The following ZNF536 variants were observed in gnomAD, a reference collection of about 807,000 sequenced individuals.
ZNF536 encodes the protein zinc finger protein 536.
Under a neutral mutation model 84.5 loss-of-function variants are expected in ZNF536, and 13 were observed. The ratio of observed to expected loss-of-function variants is 0.15; its 90% CI spans 0.10 to 0.24. The LOEUF is 0.24. Among genes scored for constraint, ZNF536 ranks in the 10% least tolerant of loss-of-function variants. The probability of loss-of-function intolerance (pLI) is 1.00; values close to 1 mark genes in which losing one functional copy is unlikely to be tolerated. For synonymous variants in ZNF536, 811 were observed against 742.5 expected (o/e 1.09, Z -1.50); for missense variants, 1,536 against 1,747.5 (o/e 0.88, Z 2.16).
chr19:30,571,919 A>G (rs190929646), intron 1 of ZNF536, among the ~76,000 whole-genome samples: 288 of 152,260 alleles, frequency 1.9e-3, no homozygotes, highest in Admixed American at 4.8e-3. Context: ...TTGGTTGTAG[A>G]AGCAGAGACA....
Position 30,501,842 on chromosome 19 carries a change from C to T in ZNF536, c.2171-33005C>T, listed in dbSNP as rs566472832. Among the ~76,000 whole-genome samples the T allele has an allele frequency of 9.1e-4, 139 of 152,244 alleles. 1 individual carries two copies. In the South Asian group the frequency reaches 0.017, roughly 19 times the overall value. On this transcript the variant is annotated intron_variant, in intron 2 of 4. Transcript: ENST00000355537. ...TTGAATTTTTGCAATCAGACCTTGG[C>T]GATGACCTTGAGCAGTAGGATACAA...
chr19:30,406,121 G>T (rs1468494892), intron 1 of ZNF536, among the ~76,000 whole-genome samples: 1 of 152,222 alleles, frequency 6.6e-6, no homozygotes, highest in East Asian at 1.9e-4. Context: ...AAAGTCAGGA[G>T]TTCCTGAGTA....
intron 1 of ZNF536, among the ~76,000 whole-genome samples, chr19:30,404,858 G>A (rs1433791167): frequency 6.6e-6 from 1 of 152,180 alleles, no homozygotes; most frequent in African/African-American, 2.4e-5. Flanking sequence ...CCTGCCCCAG[G>A]CACCAGTTGC....
chr19:30,230,571 G>A (rs2022959759), intron 1 of ZNF536, among the ~76,000 whole-genome samples: 1 of 152,144 alleles, frequency 6.6e-6, no homozygotes, highest in African/African-American at 2.4e-5. Context: ...CCAAGTCAGA[G>A]GCCAATAACC....
intron 2 of ZNF536, among the ~76,000 whole-genome samples, chr19:30,291,141 A>C (rs11084517): frequency 0.23 from 35,452 of 152,110 alleles, 5,049 homozygotes; most frequent in East Asian, 0.54. Flanking sequence ...AGTGCTGCAA[A>C]AAATATATGT....
intron 2 of ZNF536, among the ~76,000 whole-genome samples, chr19:30,453,364 G>A (rs1036519228): frequency 1.3e-5 from 2 of 152,176 alleles, no homozygotes; most frequent in Non-Finnish European, 2.9e-5. Context: ...GTTCATCCTC[G>A]AGCCAGGTCT....
intron 1 of ZNF536, among the ~76,000 whole-genome samples, chr19:30,626,409 A>G (rs2048681399): frequency 6.6e-6 from 1 of 151,820 alleles, no homozygotes; most frequent in Admixed American, 6.6e-5. Flanking sequence ...ATCATTTTAC[A>G]TAATTTAATA....
intron 1 of ZNF536, among the ~76,000 whole-genome samples, chr19:30,598,978 T>TCCCTCCCG (rs2047568944): frequency 1.7e-5 from 1 of 58,552 alleles, no homozygotes; most frequent in East Asian, 5.8e-4. Context: ...CCTCCTTCCC[T>TCCCTCCCG]CCCTCCCTTC....
rs570558058 is a variant in ZNF536, at chr19:30,425,743, G to A, written c.-2-17818G>A. 3.9e-5 allele frequency among the ~76,000 whole-genome samples: 6 copies of A among 152,320 alleles called. No homozygotes were observed. In the South Asian group the frequency reaches 1.2e-3, roughly 32 times the overall value. On this transcript the variant is annotated intron_variant, in intron 1 of 4. Coordinates refer to ENST00000355537, the MANE Select transcript of ZNF536 (RefSeq NM_014717.3). ...CCTTGAACCAATTACTGAGGCTGGG[G>A]CATGGAACATTCTGAATGGCTCAAA... is the stretch of plus-strand genomic sequence containing the variant.
At chr19:30,531,546 A>G (rs1311973135) in intron 2 of ZNF536, among the ~76,000 whole-genome samples, 3 of 151,990 alleles carry the variant, frequency 2.0e-5, no homozygotes, top group African/African-American at 7.3e-5. Flanking sequence ...TTGCTGTCTA[A>G]GTAGTGAGCA....
At chr19:30,537,701 A>G (rs929112358) in intron 3 of ZNF536, among the ~76,000 whole-genome samples, 1 of 152,226 alleles carries the variant, frequency 6.6e-6, no homozygotes, top group African/African-American at 2.4e-5. Context: ...CGCAGTTTTC[A>G]AGCTTGAGAA....
intron 1 of ZNF536, among the ~76,000 whole-genome samples, chr19:30,602,895 A>C (rs544514668): frequency 4.5e-4 from 69 of 152,314 alleles, no homozygotes; most frequent in South Asian, 1.5e-3. Context: ...CTTAAAAATA[A>C]TACTACTAAA....
chr19:30,445,043 T>A lies in ZNF536; in HGVS notation c.1481T>A (p.Leu494His), dbSNP rs746003949. Residue 494 changes from leucine to histidine, a missense_variant, in exon 2 of 5, where the codon CTC (leucine) becomes CAC (histidine). Leu to His is a moderately conservative substitution (Grantham distance 99). Around this residue, in one of 8 missense-constraint regions of ZNF536, gnomAD observed 366 missense variants for 364.4 expected, o/e 1.00. Transcript: ENST00000355537. The surrounding 1 kb of genome is among the most constrained non-coding windows in gnomAD (Gnocchi z 4.5). ...DKHSLLGCLN[L>H]VPPLKSSCIE... is the part of the protein sequence containing the mutation. ...CACTCCCTCCTGGGATGCCTCAATCTCGTGCCGCCGCTGAAATCCAGCTGC... is the reference window on the plus strand; with the variant it reads ...CACTCCCTCCTGGGATGCCTCAATCACGTGCCGCCGCTGAAATCCAGCTGC... The A allele has an allele frequency of 6.2e-7, 1 of 1,613,292 alleles. No individual in the cohort carries two copies.
chr19:30,246,251 A>C (rs879691171), intron 1 of ZNF536, among the ~76,000 whole-genome samples: 1 of 152,134 alleles, frequency 6.6e-6, no homozygotes, highest in African/African-American at 2.4e-5. Context: ...GCAACTGAAG[A>C]ATCTGTTTTC....
intron 1 of ZNF536, among the ~76,000 whole-genome samples, chr19:30,643,963 G>A (rs1373458329): frequency 2.6e-5 from 4 of 152,164 alleles, no homozygotes; most frequent in Admixed American, 2.0e-4. Context: ...AAATTGAAAG[G>A]CAAACATTTT....
chr19:30,399,850 G>A (rs968177508), intron 1 of ZNF536, among the ~76,000 whole-genome samples: 1 of 151,886 alleles, frequency 6.6e-6, no homozygotes, highest in East Asian at 1.9e-4. Context: ...ACCATGCCCA[G>A]CTCAATTTTG....
rs577433866 is a variant in ZNF536 at position 30,421,542 on chromosome 19, T to C, written c.-2-22019T>C. 3.1e-4 allele frequency among the ~76,000 whole-genome samples: 47 copies of C among 152,284 alleles called. 1 individual carries two copies. The South Asian group carries it at 8.9e-3, about 29-fold the overall frequency. On this transcript the variant is annotated intron_variant, in intron 1 of 4. Coordinates refer to ENST00000355537, the MANE Select transcript of ZNF536 (RefSeq NM_014717.3). ...CACGCCTGGTAATTTTTAAATTTTTTGTAGAGATGAGAGTCTCACCATGTT... is the reference window on the plus strand; with the variant it reads ...CACGCCTGGTAATTTTTAAATTTTTCGTAGAGATGAGAGTCTCACCATGTT...
At chr19:30,425,818 C>T (rs2051188548) in intron 1 of ZNF536, among the ~76,000 whole-genome samples, 1 of 152,204 alleles carries the variant, frequency 6.6e-6, no homozygotes, top group Non-Finnish European at 1.5e-5. Context: ...ACCCAAGCTG[C>T]AGGACTGAGT....
intron 2 of ZNF536, among the ~76,000 whole-genome samples, chr19:30,527,906 T>C (rs1409589796): frequency 6.6e-6 from 1 of 152,190 alleles, no homozygotes; most frequent in African/African-American, 2.4e-5. Flanking sequence ...AAAGATGTGA[T>C]TTTTTTGTTG....
Sources: allele counts gnomAD v4.1 joint callset (sites outside exome capture counted in the v4.1 genomes callset), GRCh38; gene constraint gnomAD v4.1.1; regional missense constraint gnomAD v4.1.1; non-coding constraint Gnocchi (gnomAD v3.1); transcripts MANE v1.5; gene names NCBI Gene and HGNC (gene_info 2026-07-23, HGNC 2026-07-21).